The following RFTN2 variants were observed in gnomAD, a reference collection of about 807,000 sequenced individuals.
The protein encoded by RFTN2 is raftlin family member 2, also known as raftlin-2.
Under a neutral mutation model 52.7 loss-of-function variants are expected in RFTN2, and 34 were observed. That is an observed-to-expected ratio of 0.64 (90% CI 0.49 to 0.86). The LOEUF (loss-of-function observed/expected upper bound fraction) is 0.86, where lower values mean the gene tolerates loss of function less well. Among genes scored for constraint, RFTN2 ranks in the 40% least tolerant of loss-of-function variants. The pLI is 0.00. For missense variants in RFTN2, 536 were observed against 600.1 expected (o/e 0.89, Z 1.12); for synonymous variants, 203 against 217.7 (o/e 0.93, Z 0.59).
In RFTN2 at chr2:197,648,158, G is replaced by A. The variant is rs534290567; in HGVS notation, c.140-1492C>T. Among the ~76,000 whole-genome samples the A allele has an allele frequency of 1.7e-3, 256 of 152,272 alleles. 1 individual carries two copies. Among genetic ancestry groups the A allele is most frequent in the Non-Finnish European group, 3.1e-3 (210 of 68,008 alleles). ...ACAGGAAGGAGGTTAAGAAGCAGAT[G>A]AGGAGGAAGGGCCAGAGGAAATCCC... is the stretch of plus-strand genomic sequence containing the variant. On this transcript the variant is annotated intron_variant, in intron 1 of 8. Coordinates refer to ENST00000295049, the MANE Select transcript of RFTN2 (RefSeq NM_144629.3).
intron 2 of RFTN2, 46 bp downstream of exon 2, chr2:197,646,437 G>T: frequency 6.7e-7 from 1 of 1,489,124 alleles, no homozygotes; most frequent in South Asian, 1.3e-5. Flanking sequence ...TTTAGACAAA[G>T]AGAACTGTCA....
intron 4 of RFTN2, among the ~76,000 whole-genome samples, chr2:197,632,231 T>G (rs931449452): frequency 4.6e-5 from 7 of 152,234 alleles, no homozygotes; most frequent in African/African-American, 1.7e-4. Context: ...TTTTACATTC[T>G]GATACGGTTT....
intron 7 of RFTN2, among the ~76,000 whole-genome samples, chr2:197,605,439 TCTC>T (rs2087945873): frequency 6.6e-6 from 1 of 151,918 alleles, no homozygotes; most frequent in South Asian, 2.1e-4. Context: ...ATGATCTCGA[TCTC>T]CTGACCTCAT....
At chr2:197,579,256 C>T (rs2087467051) in intron 8 of RFTN2, among the ~76,000 whole-genome samples, 1 of 152,144 alleles carries the variant, frequency 6.6e-6, no homozygotes, top group East Asian at 1.9e-4. Context: ...GGGTGGTAAG[C>T]ACCACCTTGC....
At chr2:197,579,192 A>G (rs2087466110) in intron 8 of RFTN2, among the ~76,000 whole-genome samples, 2 of 152,220 alleles carry the variant, frequency 1.3e-5, no homozygotes, top group African/African-American at 4.8e-5. Flanking sequence ...GTGTCTGATC[A>G]TGACAGGGAT....
At chr2:197,669,530 A>G (rs2089113755) in intron 1 of RFTN2, among the ~76,000 whole-genome samples, 1 of 152,158 alleles carries the variant, frequency 6.6e-6, no homozygotes, top group African/African-American at 2.4e-5. Flanking sequence ...CGGTTTTTCT[A>G]CAGATGTGGG....
intron 7 of RFTN2, among the ~76,000 whole-genome samples, chr2:197,606,441 T>A (rs545683479): frequency 2.0e-5 from 3 of 152,196 alleles, no homozygotes; most frequent in Non-Finnish European, 4.4e-5. Flanking sequence ...AACTGCTCAG[T>A]CACTTGTGAA....
chr2:197,651,495 T>A (rs1041945669), intron 1 of RFTN2, among the ~76,000 whole-genome samples: 1 of 152,162 alleles, frequency 6.6e-6, no homozygotes, highest in African/African-American at 2.4e-5. Flanking sequence ...GGCAGATGCC[T>A]GTAATCCCAG....
In RFTN2 at chr2:197,651,345, G is replaced by A. The variant is rs148720137; in HGVS notation, c.140-4679C>T. On this transcript the variant is annotated intron_variant, in intron 1 of 8. Transcript: ENST00000295049. ...CCAAGAAATCATTGTCAGGCCAGGC[G>A]CAGTGGCTCACGCCCGTAATCCCAG... 2.5e-3 allele frequency among the ~76,000 whole-genome samples: 388 copies of A among 152,268 alleles called. 3 individuals carry two copies. The highest frequency in any genetic ancestry group is 6.8e-3 in the Middle Eastern group (2 of 294).
intron 7 of RFTN2, among the ~76,000 whole-genome samples, chr2:197,608,136 T>C (rs1185387216): frequency 1.3e-5 from 2 of 152,122 alleles, no homozygotes; most frequent in African/African-American, 4.8e-5. Context: ...CACATGAAGA[T>C]TGAGATTGAG....
At position 197,625,601 on chromosome 2, in the gene RFTN2, C is replaced by G. The variant is rs180961954; in HGVS notation, c.928+5410G>C. Among the ~76,000 whole-genome samples, 5 of 151,896 alleles carry G rather than the reference C, an allele frequency of 3.3e-5. No homozygotes were observed. The East Asian group carries it at 9.7e-4, about 29-fold the overall frequency. On this transcript the variant is annotated intron_variant, in intron 5 of 8. Transcript: ENST00000295049. ...CTGCAACAGCCTCTTAACAGCCTCC[C>G]CACCACACTTCCACTCTTGCCCTCT...
At chr2:197,631,278 T>G (rs1490548127) in intron 4 of RFTN2, 58 bp from the exon 5 acceptor site, 2 of 1,300,890 alleles carry the variant, frequency 1.5e-6, no homozygotes, top group Non-Finnish European at 2.2e-6. Context: ...TCAAAGATTC[T>G]TAATTTTTTC....
At chr2:197,616,882 A>G (rs1278512261) in intron 6 of RFTN2, among the ~76,000 whole-genome samples, 1 of 152,096 alleles carries the variant, frequency 6.6e-6, no homozygotes, top group African/African-American at 2.4e-5. Flanking sequence ...AACCTGTGTA[A>G]GGTCAGAAAG....
chr2:197,659,624 C>G (rs2088948136), intron 1 of RFTN2, among the ~76,000 whole-genome samples: 1 of 151,842 alleles, frequency 6.6e-6, no homozygotes, highest in Non-Finnish European at 1.5e-5. Flanking sequence ...TCAAGACTAT[C>G]CTGGCCAACA....
chr2:197,604,695 C>T (rs1341170867), intron 7 of RFTN2, among the ~76,000 whole-genome samples: 2 of 152,176 alleles, frequency 1.3e-5, no homozygotes, highest in Admixed American at 1.3e-4. Context: ...TGTGATGACA[C>T]AGGTCTTTGT....
intron 8 of RFTN2, among the ~76,000 whole-genome samples, chr2:197,590,528 A>G (rs1574686658): frequency 6.6e-6 from 1 of 152,184 alleles, no homozygotes; most frequent in African/African-American, 2.4e-5. Flanking sequence ...CATGAAATGG[A>G]TTTGTTGAAC....
At chr2:197,624,597 CAAAAAAA>C (rs746144794) in intron 5 of RFTN2, among the ~76,000 whole-genome samples, 2 of 57,914 alleles carry the variant, frequency 3.5e-5, no homozygotes, top group Non-Finnish European at 6.0e-5. Context: ...GACTCTGTCT[CAAAAAAA>C]AAAAAAAAAA....
At chr2:197,586,068 C>T (rs1034449847) in intron 8 of RFTN2, among the ~76,000 whole-genome samples, 17 of 152,162 alleles carry the variant, frequency 1.1e-4, no homozygotes, top group African/African-American at 2.7e-4. Context: ...CTCCCAGCTC[C>T]GTATTACAGA....
At position 197,633,890 on chromosome 2, in the gene RFTN2, C is replaced by T. The variant is rs756466384; in HGVS notation, c.546G>A (p.Ser182=). 79 of 1,613,684 alleles carry T rather than the reference C, an allele frequency of 4.9e-5. No homozygotes were observed. Among genetic ancestry groups the T allele is most frequent in the Admixed American group, 6.7e-5 (4 of 59,972 alleles). ...NGTNHDGDIE[S]MLHVRHGSDE... is the part of the protein sequence containing the mutation. ...CTGAACCGTGTCTCACATGTAGCAT[C>T]GATTCTATATCTCCATCATGGTTGG... The change falls in exon 4 of 9, where the codon TCG becomes TCA. Residue 182 remains serine, a synonymous_variant. Transcript: ENST00000295049.
Sources: gnomAD v4.1 joint callset for allele counts (sites outside exome capture counted in the v4.1 genomes callset) on GRCh38, gnomAD v4.1.1 for gene constraint, MANE v1.5 for transcripts, NCBI Gene and HGNC (gene_info 2026-07-23, HGNC 2026-07-21) for gene names.